The following TARDBP variants were observed in gnomAD, a reference collection of about 807,000 sequenced individuals.
The protein encoded by TARDBP is TAR DNA binding protein.
TARDBP carries 4 observed loss-of-function variants against 38.3 expected under a neutral mutation model. The ratio of observed to expected loss-of-function variants is 0.10; its 90% CI spans 0.05 to 0.24. The LOEUF is 0.24. Among genes scored for constraint, TARDBP ranks in the 10% least tolerant of loss-of-function variants. TARDBP has a pLI of 1.00. For missense variants in TARDBP, 202 were observed against 521.9 expected (o/e 0.39, Z 5.97); for synonymous variants, 184 against 183.8 (o/e 1.00, Z -0.01).
At position 11,024,708 on chromosome 1, in the gene TARDBP, TGTG is replaced by T. The variant is rs1643697767; in HGVS notation, c.*2057_*2059del. Reference sequence around the variant, plus strand: ...CTTTGTCCTCCAGGAGGTGGGGGAATGTGGTAACATTGAATACAGTTGAATAAA... The same window carrying T: ...CTTTGTCCTCCAGGAGGTGGGGGAATGTAACATTGAATACAGTTGAATAAA... On this transcript the variant is annotated 3_prime_UTR_variant, in exon 6 of 6. Coordinates refer to ENST00000240185, the MANE Select transcript of TARDBP (RefSeq NM_007375.4). 1 of 152,844 alleles carries T rather than the reference TGTG, an allele frequency of 6.5e-6. No homozygotes were observed. Among genetic ancestry groups the T allele is most frequent in the South Asian group, 2.1e-4 (1 of 4,826 alleles). 9.5% of individuals were successfully genotyped at this position (152,844 alleles called of 1,614,324 possible). A position where few individuals can be genotyped will look rare whatever the true frequency, so the allele number is the denominator to read the frequency against.
intron 5 of TARDBP, among the ~76,000 whole-genome samples, chr1:11,021,775 T>C (rs1240266729): frequency 1.3e-5 from 2 of 151,872 alleles, no homozygotes; most frequent in African/African-American, 4.8e-5. Context: ...TGTGGCTTTT[T>C]TGTGGTTTTT....
At chr1:11,029,399 C>CA (rs202243830), downstream of TARDBP, among the ~76,000 whole-genome samples, 7 of 147,664 alleles carry the variant, frequency 4.7e-5, no homozygotes, top group South Asian at 2.1e-4. Flanking sequence ...GATTCCGTCT[C>CA]AAAAAATAAT....
chr1:11,028,697 G>GTTTTTTTTTTTTT (rs1208974169), downstream of TARDBP, among the ~76,000 whole-genome samples: 4 of 36,176 alleles, frequency 1.1e-4, no homozygotes, highest in African/African-American at 5.2e-4. Context: ...ATCTTTCTGG[G>GTTTTTTTTTTTTT]TTTTTTTTCT....
rs1643673288 is a variant in TARDBP at position 11,023,143 on chromosome 1, T to A, written c.*489T>A. ...TTTGTTTTGTTTTTTAACACTTGTCTCCCCTCATACACAAAAGTACAATAT... is the reference window on the plus strand; with the variant it reads ...TTTGTTTTGTTTTTTAACACTTGTCACCCCTCATACACAAAAGTACAATAT... On this transcript the variant is annotated 3_prime_UTR_variant, in exon 6 of 6. Coordinates refer to ENST00000240185, the MANE Select transcript of TARDBP (RefSeq NM_007375.4). 1.9e-6 allele frequency: 3 copies of A among 1,544,088 alleles called. No individual in the cohort carries two copies. Among genetic ancestry groups the A allele is most frequent in the Non-Finnish European group, 2.6e-6 (3 of 1,142,252 alleles).
chr1:11,014,620 T>C (rs1462375393), intron 2 of TARDBP, among the ~76,000 whole-genome samples: 2 of 152,178 alleles, frequency 1.3e-5, no homozygotes, highest in African/African-American at 2.4e-5. Context: ...TTGGTCAGTA[T>C]GCAAGACACC....
downstream of TARDBP, chr1:11,027,028 GA>G: frequency 6.3e-7 from 1 of 1,597,772 alleles, no homozygotes; most frequent in Non-Finnish European, 8.5e-7. Context: ...TCACTATCTA[GA>G]AACACCAGTG....
At position 11,015,040 on chromosome 1, in the gene TARDBP, G is replaced by T. The variant is rs529866609; in HGVS notation, c.238+1075G>T. 3.0e-4 allele frequency among the ~76,000 whole-genome samples: 45 copies of T among 151,604 alleles called. No homozygotes were observed. In the South Asian group the frequency reaches 3.5e-3, roughly 12 times the overall value. ...GAGAATCGCTTGAACCTGGGAGGCG[G>T]AGATTACTTTAAGCTGAGGTCGCGC... On this transcript the variant is annotated intron_variant, in intron 2 of 5. Coordinates refer to ENST00000240185, the MANE Select transcript of TARDBP (RefSeq NM_007375.4).
At position 11,022,403 on chromosome 1, in the gene TARDBP, A is replaced by G. The variant is rs1425706422; in HGVS notation, c.994A>G (p.Ser332Gly). Residue 332 changes from serine (S) to glycine (G), a missense_variant, in exon 6 of 6, where the codon AGC becomes GGC. This residue lies in a region of TARDBP where 107 missense variants were observed against 190.5 expected (regional missense o/e 0.56). Transcript: ENST00000240185. This position sits in a 1 kb window ranked among gnomAD's most constrained non-coding sequence, Gnocchi z 4.5. ...GGCTGCCGCCCAGGCAGCACTACAG[A>G]GCAGTTGGGGTATGATGGGCATGTT... Reference protein sequence around the residue: ...MMAAAQAALQSSWGMMGMLAS... With the variant: ...MMAAAQAALQGSWGMMGMLAS... The G allele has an allele frequency of 6.2e-7, 1 of 1,613,872 alleles. No individual in the cohort carries two copies. Among genetic ancestry groups the G allele is most frequent in the Non-Finnish European group, 8.5e-7 (1 of 1,179,878 alleles).
At chr1:11,027,537 C>T, downstream of TARDBP, 1 of 1,614,150 alleles carries the variant, frequency 6.2e-7, no homozygotes, top group Non-Finnish European at 8.5e-7. Flanking sequence ...TAAAAGTGCA[C>T]CTGCTGCTGT....
intron 3 of TARDBP, among the ~76,000 whole-genome samples, chr1:11,017,225 A>AC (rs757447434): frequency 1.7e-3 from 221 of 127,918 alleles, no homozygotes; most frequent in Non-Finnish European, 2.7e-3. Flanking sequence ...TTTTTTGGAG[A>AC]CCAAGTCTCA....
chr1:11,026,704 A>G, downstream of TARDBP: 1 of 452,784 alleles, frequency 2.2e-6, no homozygotes, highest in Non-Finnish European at 3.8e-6. Context: ...GTCAATGGGT[A>G]AGGCTGGAAT....
downstream of TARDBP, chr1:11,025,922 C>T (rs1481344478): frequency 1.3e-5 from 2 of 154,764 alleles, no homozygotes; most frequent in Non-Finnish European, 2.9e-5. Flanking sequence ...TATTAGGGTT[C>T]TGTACTTAAC....
downstream of TARDBP, chr1:11,027,485 C>A (rs1405192565): frequency 6.2e-7 from 1 of 1,614,090 alleles, no homozygotes; most frequent in African/African-American, 1.3e-5. Flanking sequence ...CATGTTTTTG[C>A]TCATAGACGG....
chr1:11,026,939 G>GTA, downstream of TARDBP: 2 of 1,517,558 alleles, frequency 1.3e-6, no homozygotes, highest in African/African-American at 2.8e-5. Flanking sequence ...TAACTTTTGT[G>GTA]TAGACTCCAT....
At chr1:11,018,920 G>A (rs757830877) in intron 4 of TARDBP, 47 bp downstream of exon 4, 13 of 1,613,244 alleles carry the variant, frequency 8.1e-6, no homozygotes, top group Non-Finnish European at 1.1e-5. Flanking sequence ...AACTTCCTTA[G>A]AGGATTGTAA....
chr1:11,027,318 A>G (rs762134055), downstream of TARDBP: 3 of 1,614,068 alleles, frequency 1.9e-6, no homozygotes, highest in Non-Finnish European at 2.5e-6. Flanking sequence ...GCTATTGATT[A>G]CAACTTTGTT....
chr1:11,018,407 C>A, intron 3 of TARDBP: 1 of 372,564 alleles, frequency 2.7e-6, no homozygotes, highest in Non-Finnish European at 5.1e-6. Context: ...CAGGCTGGTC[C>A]TGAACTCCTG....
In TARDBP at chr1:11,023,095, A is replaced by T; in HGVS notation, c.*441A>T. On this transcript the variant is annotated 3_prime_UTR_variant, in exon 6 of 6. Coordinates refer to ENST00000240185, the MANE Select transcript of TARDBP (RefSeq NM_007375.4). The stretch of plus-strand genomic sequence containing the variant: ...TAAGAAAATCTCCTTTTAGGAGATC[A>T]TGGTGTCACAGTGTTTGGTTCTTTT... The T allele has an allele frequency of 6.6e-7, 1 of 1,510,792 alleles. No homozygotes were observed. Among genetic ancestry groups the T allele is most frequent in the Non-Finnish European group, 8.9e-7 (1 of 1,125,268 alleles). 93.6% of individuals were successfully genotyped at this position (1,510,792 alleles called of 1,614,324 possible).
chr1:11,027,415 G>T (rs1182301812), downstream of TARDBP: 1 of 1,614,090 alleles, frequency 6.2e-7, no homozygotes, highest in Admixed American at 1.7e-5. Context: ...GACCAGGCTT[G>T]TGTATAATGA....
Sources: allele counts gnomAD v4.1 joint callset (sites outside exome capture counted in the v4.1 genomes callset), GRCh38; gene constraint gnomAD v4.1.1; regional missense constraint gnomAD v4.1.1; non-coding constraint Gnocchi (gnomAD v3.1); transcripts MANE v1.5; gene names NCBI Gene and HGNC (gene_info 2026-07-23, HGNC 2026-07-21).